The following DTHD1 variants were observed in gnomAD, a reference collection of about 807,000 sequenced individuals.
The protein encoded by DTHD1 is death domain-containing protein 1.
A neutral mutation model predicts 74.8 loss-of-function variants in DTHD1; 59 were observed. That is an observed-to-expected ratio of 0.79 (90% CI 0.64 to 0.98). The LOEUF (loss-of-function observed/expected upper bound fraction) is 0.98. Ranked by LOEUF, DTHD1 falls within the 50% of genes least tolerant of loss-of-function variation. The pLI, the probability that DTHD1 is intolerant of heterozygous loss-of-function variation, is 0.00. For missense variants in DTHD1, 1,051 were observed against 1,065.4 expected (o/e 0.99, Z 0.19); for synonymous variants, 365 against 371.1 (o/e 0.98, Z 0.19).
intron 3 of DTHD1, among the ~76,000 whole-genome samples, chr4:36,292,492 T>C (rs926892348): frequency 9.9e-5 from 15 of 152,246 alleles, no homozygotes; most frequent in Non-Finnish European, 2.1e-4. Context: ...AAAACCCTTT[T>C]GGCCTTTCAG....
intron 8 of DTHD1, 40 bp from the exon 9 acceptor site, chr4:36,339,072 T>TTAC: frequency 6.7e-7 from 1 of 1,482,870 alleles, no homozygotes; most frequent in Middle Eastern, 1.7e-4. Flanking sequence ...CACAAATTAA[T>TTAC]TACTTCTTCT....
At chr4:36,331,793 G>C (rs1578488935) in intron 8 of DTHD1, among the ~76,000 whole-genome samples, 1 of 152,156 alleles carries the variant, frequency 6.6e-6, no homozygotes, top group East Asian at 1.9e-4. Flanking sequence ...TGGCATCCAT[G>C]CTAAATGGTG....
In DTHD1 at chr4:36,284,411, G is replaced by T. The variant is rs547413369; in HGVS notation, c.707G>T (p.Arg236Met). 1 of 1,536,984 alleles carries T rather than the reference G, an allele frequency of 6.5e-7. No homozygotes were observed. Among genetic ancestry groups the T allele is most frequent in the Non-Finnish European group, 8.7e-7 (1 of 1,146,846 alleles). The change falls in exon 2 of 10, where the codon AGG (arginine) becomes ATG (methionine). Residue 236 changes from arginine to methionine, a missense_variant. Transcript: ENST00000639862. Reference protein sequence around the residue: ...HMTVENINGNREETHGIIQTT... With the variant: ...HMTVENINGNMEETHGIIQTT... ...ACTGTTGAGAACATAAATGGCAACA[G>T]GGAAGAGACTCATGGCATAATTCAG...
At chr4:36,284,669 T>A in intron 2 of DTHD1, 78 bp downstream of exon 2, 1 of 1,090,228 alleles carries the variant, frequency 9.2e-7, no homozygotes. Flanking sequence ...ATGTCTTAGT[T>A]CATTCAGGCT....
chr4:36,326,928 C>G (rs972618573), intron 8 of DTHD1, among the ~76,000 whole-genome samples: 2 of 151,746 alleles, frequency 1.3e-5, no homozygotes, highest in African/African-American at 4.8e-5. Context: ...TAGCTATGAT[C>G]CAAAAAGCCA....
chr4:36,290,657 G>T lies in DTHD1; in HGVS notation c.1172G>T (p.Ser391Ile). 1 of 1,545,670 alleles carries T rather than the reference G, an allele frequency of 6.5e-7. No individual in the cohort carries two copies. ...VKVCDINLQS[S>I]YLNPNSLEGM... ...GTGTGTGACATAAACCTTCAATCAA[G>T]TTACCTAAACCCAAATTCACTAGAA... Residue 391 changes from serine to isoleucine, a missense_variant, in exon 3 of 10, where the codon AGT becomes ATT. Ser to Ile is a moderately radical substitution (Grantham distance 142). Transcript: ENST00000639862.
At chr4:36,325,417 T>C (rs1393170735) in intron 8 of DTHD1, among the ~76,000 whole-genome samples, 1 of 152,178 alleles carries the variant, frequency 6.6e-6, no homozygotes, top group African/African-American at 2.4e-5. Context: ...AAATTTTAAC[T>C]AGGAGAGTGA....
chr4:36,284,514 C>A lies in DTHD1; in HGVS notation c.810C>A (p.Ile270=). 6.5e-7 allele frequency: 1 copy of A among 1,536,130 alleles called. No homozygotes were observed. The highest frequency in any genetic ancestry group is 8.7e-7 in the Non-Finnish European group (1 of 1,146,352). The part of the protein sequence containing the change: ...EMTTSSIICD[I]SKKYINSTLP... ...CCACATCCTCAATAATATGTGATAT[C>A]TCCAAGAAATATATAAATAGTACTC... The change falls in exon 2 of 10, where the codon ATC becomes ATA. Residue 270 remains isoleucine (I), a synonymous_variant. Transcript: ENST00000639862.
chr4:36,331,955 T>C (rs1333877486), intron 8 of DTHD1, among the ~76,000 whole-genome samples: 1 of 152,120 alleles, frequency 6.6e-6, no homozygotes, highest in African/African-American at 2.4e-5. Context: ...CGGTTGCCCT[T>C]GAAATTATTG....
chr4:36,310,236 T>C (rs1044546502), intron 7 of DTHD1, among the ~76,000 whole-genome samples: 2 of 151,936 alleles, frequency 1.3e-5, no homozygotes, highest in African/African-American at 4.8e-5. Context: ...AGGATGAATA[T>C]GAGAGGTGGC....
At chr4:36,295,071 T>A (rs74616570) in intron 5 of DTHD1, 32 bp downstream of exon 5, 59 of 1,475,440 alleles carry the variant, frequency 4.0e-5, no homozygotes, top group Non-Finnish European at 4.8e-5. Context: ...TAAACTGGCT[T>A]AATGTCAAAC....
chr4:36,304,619 G>A (rs1368879843), intron 5 of DTHD1, among the ~76,000 whole-genome samples: 1 of 152,154 alleles, frequency 6.6e-6, no homozygotes, highest in Non-Finnish European at 1.5e-5. Flanking sequence ...CCATGGCTTT[G>A]TCTCTTTGTG....
intron 3 of DTHD1, 58 bp downstream of exon 3, chr4:36,290,761 C>A: frequency 7.7e-7 from 1 of 1,297,500 alleles, no homozygotes; most frequent in Non-Finnish European, 1.0e-6. Flanking sequence ...ATAAATATCA[C>A]TCAGACTAAC....
chr4:36,283,341 G>A (rs1755508045), intron 1 of DTHD1, among the ~76,000 whole-genome samples: 1 of 152,174 alleles, frequency 6.6e-6, no homozygotes, highest in Non-Finnish European at 1.5e-5. Flanking sequence ...AGCCACTTCA[G>A]GTTCCAATCA....
At position 36,290,656 on chromosome 4, in the gene DTHD1, A is replaced by G; in HGVS notation, c.1171A>G (p.Ser391Gly). 6.5e-7 allele frequency: 1 copy of G among 1,545,838 alleles called. No homozygotes were observed. Among genetic ancestry groups the G allele is most frequent in the Non-Finnish European group, 8.7e-7 (1 of 1,146,890 alleles). Reference sequence around the variant, plus strand: ...AGTGTGTGACATAAACCTTCAATCAAGTTACCTAAACCCAAATTCACTAGA... The same window carrying G: ...AGTGTGTGACATAAACCTTCAATCAGGTTACCTAAACCCAAATTCACTAGA... ...VKVCDINLQSSYLNPNSLEGM... is the reference protein window; with the variant it reads ...VKVCDINLQSGYLNPNSLEGM... The change falls in exon 3 of 10, where the codon AGT (serine) becomes GGT (glycine). Residue 391 changes from serine to glycine, a missense_variant. Transcript: ENST00000639862.
chr4:36,308,222 C>A lies in DTHD1; in HGVS notation c.1824C>A (p.Leu608=). 6.4e-7 allele frequency: 1 copy of A among 1,552,310 alleles called. No homozygotes were observed. The highest frequency in any genetic ancestry group is 8.7e-7 in the Non-Finnish European group (1 of 1,147,098). ...EHLERFIVLH[L]SSTMDNSHLV... ...CATGCAGGTTTATTGTACTTCACCT[C>A]TCTTCCACCATGGACAATAGTCATT... The change falls in exon 7 of 10, where the codon CTC becomes CTA. Residue 608 remains leucine (L), a synonymous_variant. Coordinates refer to ENST00000639862, the MANE Select transcript of DTHD1 (RefSeq NM_001170700.3).
intron 3 of DTHD1, among the ~76,000 whole-genome samples, chr4:36,291,420 C>A (rs948067499): frequency 1.3e-5 from 2 of 152,206 alleles, no homozygotes; most frequent in South Asian, 2.1e-4. Flanking sequence ...CCTATAAACA[C>A]ATGTTAGTTG....
rs1001236684 is a variant in DTHD1 at position 36,347,168 on chromosome 4, G to A, written c.*3344G>A. ...TAAATTATGAGTTTTTAATGTCTTC[G>A]AATGTTTTAATGACTGTATAATATC... On this transcript the variant is annotated 3_prime_UTR_variant, in exon 10 of 10. Transcript: ENST00000639862. Among the ~76,000 whole-genome samples, 8 of 151,862 alleles carry A rather than the reference G, an allele frequency of 5.3e-5. No individual in the cohort carries two copies. Among genetic ancestry groups the A allele is most frequent in the Admixed American group, 6.6e-5 (1 of 15,236 alleles).
At chr4:36,327,166 C>T (rs1758401050) in intron 8 of DTHD1, among the ~76,000 whole-genome samples, 1 of 152,054 alleles carries the variant, frequency 6.6e-6, no homozygotes, top group Admixed American at 6.5e-5. Context: ...AGGGTTTCAC[C>T]ATATTGGTCA....
Sources: gnomAD v4.1 joint callset for allele counts (sites outside exome capture counted in the v4.1 genomes callset) on GRCh38, gnomAD v4.1.1 for gene constraint, MANE v1.5 for transcripts, NCBI Gene and HGNC (gene_info 2026-07-23, HGNC 2026-07-21) for gene names.